Variants in TTLL4 observed in about 807,000 individuals in gnomAD.
The protein encoded by TTLL4 is tubulin tyrosine ligase like 4.
In TTLL4, 85 loss-of-function variants were observed where a neutral mutation model predicts 122.7. The ratio of observed to expected loss-of-function variants is 0.69; its 90% CI spans 0.58 to 0.83. TTLL4 has a LOEUF of 0.83. Ranked by LOEUF, TTLL4 falls within the 40% of genes least tolerant of loss-of-function variation. The pLI is 0.00. For synonymous variants in TTLL4, 553 were observed against 563.0 expected (o/e 0.98, Z 0.25); for missense variants, 1,363 against 1,488.6 (o/e 0.92, Z 1.39).
chr2:218,753,230 C>G (rs1411913541), intron 18 of TTLL4, 45 bp downstream of exon 18: 2 of 1,605,362 alleles, frequency 1.2e-6, no homozygotes, highest in Non-Finnish European at 8.5e-7. Context: ...CAGGCCCCTC[C>G]CTCCTCTGCC....
chr2:218,757,773 CA>C (rs1943180248), downstream of TTLL4, among the ~76,000 whole-genome samples: 1 of 152,138 alleles, frequency 6.6e-6, no homozygotes, highest in African/African-American at 2.4e-5. Flanking sequence ...CATCTGGACA[CA>C]AAGACCTTTC....
At position 218,754,522 on chromosome 2, in the gene TTLL4, G is replaced by A. The variant is rs1943112848; in HGVS notation, c.*133G>A. 3 of 1,258,886 alleles carry A rather than the reference G, an allele frequency of 2.4e-6. No individual in the cohort carries two copies. Among genetic ancestry groups the A allele is most frequent in the Non-Finnish European group, 3.3e-6 (3 of 918,842 alleles). The allele number at this position is 1,258,886 out of a possible 1,614,324, so 78.0% of individuals were successfully genotyped here. Reference sequence around the variant, plus strand: ...CCTCCTCAGAGTATTTTTTGAAGTGGTTGCATTATAGAGATGGGTATTTGT... The same window carrying A: ...CCTCCTCAGAGTATTTTTTGAAGTGATTGCATTATAGAGATGGGTATTTGT... On this transcript the variant is annotated 3_prime_UTR_variant, in exon 20 of 20. Coordinates refer to ENST00000392102, the MANE Select transcript of TTLL4 (RefSeq NM_014640.5).
At chr2:218,748,724 C>A in intron 12 of TTLL4, 112 bp from the exon 13 acceptor site, 1 of 818,854 alleles carries the variant, frequency 1.2e-6, no homozygotes, top group Non-Finnish European at 1.9e-6. Flanking sequence ...ATTTAAACTG[C>A]GAAAGGAAGA....
intron 1 of TTLL4, among the ~76,000 whole-genome samples, chr2:218,720,358 A>G (rs1160737618): frequency 1.3e-5 from 2 of 152,206 alleles, no homozygotes; most frequent in African/African-American, 2.4e-5. Context: ...GGCAGAGTGC[A>G]CGCACTGAGT....
intron 12 of TTLL4, 109 bp downstream of exon 12, chr2:218,748,336 G>A (rs1278698957): frequency 6.8e-7 from 1 of 1,468,160 alleles, no homozygotes; most frequent in Non-Finnish European, 9.1e-7. Flanking sequence ...ATAAGACCCA[G>A]AGATAACACT....
downstream of TTLL4, among the ~76,000 whole-genome samples, chr2:218,757,784 C>T (rs1943180627): frequency 6.6e-6 from 1 of 152,152 alleles, no homozygotes; most frequent in Admixed American, 6.5e-5. Context: ...AAAGACCTTT[C>T]TACTTCCTTC....
rs745318587 is a variant in TTLL4, at chr2:218,754,146, C to T, written c.3357C>T (p.Ser1119=). Residue 1119 remains serine, a synonymous_variant, in exon 20 of 20, where the codon TCC becomes TCT. Coordinates refer to ENST00000392102, the MANE Select transcript of TTLL4 (RefSeq NM_014640.5). The part of the protein sequence containing the change: ...SETSKLGKQS[S]CEVSLLLSED... ...CTATTCCCTCCAGAAAACAAAGCTC[C>T]TGTGAGGTTAGCCTACTACTCTCTG... 3 of 1,614,070 alleles carry T rather than the reference C, an allele frequency of 1.9e-6. No homozygotes were observed. In the Admixed American group the frequency reaches 5.0e-5, roughly 27 times the overall value.
chr2:218,753,614 T>C lies in TTLL4; in HGVS notation c.3289T>C (p.Ser1097Pro), dbSNP rs1023288880. 2 of 1,614,132 alleles carry C rather than the reference T, an allele frequency of 1.2e-6. No homozygotes were observed. The highest frequency in any genetic ancestry group is 1.7e-5 in the Admixed American group (1 of 60,026). ...TCTCCCGACATCACTTCTGACTATC[T>C]CAAAGGATGACGTGATACTCAATGC... ...WSLPTSLLTISKDDVILNAFS... is the reference protein window; with the variant it reads ...WSLPTSLLTIPKDDVILNAFS... The change falls in exon 19 of 20, where the codon TCA becomes CCA. Residue 1097 changes from serine (S) to proline (P), a missense_variant. Around this residue, in one of 3 missense-constraint regions of TTLL4, gnomAD observed 596 missense variants for 655.8 expected, o/e 0.91. Coordinates refer to ENST00000392102, the MANE Select transcript of TTLL4 (RefSeq NM_014640.5).
chr2:218,712,924 G>A (rs1309897486), intron 1 of TTLL4, among the ~76,000 whole-genome samples: 1 of 152,160 alleles, frequency 6.6e-6, no homozygotes, highest in Non-Finnish European at 1.5e-5. Context: ...CGTGTAAACT[G>A]TATTCTTTGT....
chr2:218,735,503 G>C (rs545350540), intron 2 of TTLL4, among the ~76,000 whole-genome samples: 1 of 152,168 alleles, frequency 6.6e-6, no homozygotes, highest in Non-Finnish European at 1.5e-5. Flanking sequence ...GAGTCCAGGA[G>C]TCTGAGGCTG....
intron 2 of TTLL4, among the ~76,000 whole-genome samples, chr2:218,729,850 G>T (rs149631272): frequency 6.6e-6 from 1 of 150,934 alleles, no homozygotes; most frequent in East Asian, 2.0e-4. Context: ...CGACCTCCCA[G>T]GCTCAAGTGA....
rs548186206 is a variant in TTLL4 at position 218,730,311 on chromosome 2, C to CAAAAAAAAAAAA, written c.-99+2991_-99+3002dup. On this transcript the variant is annotated intron_variant, in intron 2 of 19. Coordinates refer to ENST00000392102, the MANE Select transcript of TTLL4 (RefSeq NM_014640.5). ...TGAAACCCCATCTTTACTAAAAATC[C>CAAAAAAAAAAAA]AAAAAAAAAAAAAAAAAAAAAAAAA... is the stretch of plus-strand genomic sequence containing the variant. 0.023 allele frequency among the ~76,000 whole-genome samples: 335 copies of CAAAAAAAAAAAA among 14,288 alleles called. 109 individuals carry two copies. In the Middle Eastern group the frequency reaches 0.29, roughly 12 times the overall value. The allele number at this position is 14,288 out of a possible 152,430, so 9.4% of individuals were successfully genotyped here.
In TTLL4 at chr2:218,738,157, A is replaced by G; in HGVS notation, c.481A>G (p.Lys161Glu). Residue 161 changes from lysine (K) to glutamate (E), a missense_variant, in exon 3 of 20, where the codon AAG becomes GAG. Lys to Glu is a moderately conservative substitution (Grantham distance 56). Around this residue, in one of 3 missense-constraint regions of TTLL4, gnomAD observed 760 missense variants for 808.4 expected, o/e 0.94. Transcript: ENST00000392102. Reference protein sequence around the residue: ...KSLPVSLTANKATSSMVFSMA... With the variant: ...KSLPVSLTANEATSSMVFSMA... Reference sequence around the variant, plus strand: ...CCTCCCTGTCAGTCTCACTGCCAACAAGGCCACTTCTTCCATGGTCTTCTC... The same window carrying G: ...CCTCCCTGTCAGTCTCACTGCCAACGAGGCCACTTCTTCCATGGTCTTCTC... 1 of 1,613,974 alleles carries G rather than the reference A, an allele frequency of 6.2e-7. No homozygotes were observed. The highest frequency in any genetic ancestry group is 2.2e-5 in the East Asian group (1 of 44,840).
At chr2:218,737,533 G>C (rs114784875) in intron 2 of TTLL4, 46 bp from the exon 3 acceptor site, 3 of 1,013,504 alleles carry the variant, frequency 3.0e-6, no homozygotes, top group East Asian at 5.1e-5. Context: ...CATGGTGTCC[G>C]TTCTCCTGGC....
chr2:218,747,952 A>G lies in TTLL4; in HGVS notation c.2379-153A>G. On this transcript the variant is annotated intron_variant, in intron 11 of 19. Coordinates refer to ENST00000392102, the MANE Select transcript of TTLL4 (RefSeq NM_014640.5). The surrounding 1 kb of genome is among the most constrained non-coding windows in gnomAD (Gnocchi z 4.7). ...ATGAGTTTAGCTGTGGTTTTTCAGA[A>G]CTTTGCCAGTAGACACACTTCTCAG... The G allele has an allele frequency of 2.5e-6, 3 of 1,218,332 alleles. No individual in the cohort carries two copies. The highest frequency in any genetic ancestry group is 2.3e-5 in the Admixed American group (1 of 43,844). 75.5% of individuals were successfully genotyped at this position (1,218,332 alleles called of 1,614,324 possible).
Position 218,748,910 on chromosome 2 carries a change from ATGT to A in TTLL4, c.2583_2585del (p.Val862del). The A allele has an allele frequency of 1.2e-6, 2 of 1,614,164 alleles. No individual in the cohort carries two copies. The highest frequency in any genetic ancestry group is 1.7e-6 in the Non-Finnish European group (2 of 1,180,022). On this transcript the variant is annotated inframe_deletion, in exon 13 of 20. Transcript: ENST00000392102. ...GACGCCATCTGGGAGAAGATAAAGGATGTTGTTGTCAAAACTATCATCTCGTGA... is the reference window on the plus strand; with the variant it reads ...GACGCCATCTGGGAGAAGATAAAGGATGTTGTCAAAACTATCATCTCGTGA...
At chr2:218,732,825 C>A (rs545097831) in intron 2 of TTLL4, among the ~76,000 whole-genome samples, 12 of 152,278 alleles carry the variant, frequency 7.9e-5, no homozygotes, top group African/African-American at 2.6e-4. Context: ...GTTTTGATCT[C>A]ATCAGGAATC....
At position 218,713,024 on chromosome 2, in the gene TTLL4, C is replaced by T. The variant is rs115048702; in HGVS notation, c.-178+1987C>T. Among the ~76,000 whole-genome samples the T allele has an allele frequency of 3.2e-3, 494 of 152,160 alleles. 2 individuals are homozygous for T. Among genetic ancestry groups the T allele is most frequent in the African/African-American group, 0.011 (464 of 41,542 alleles). ...TTTTAAGTTATTTGGATAAAACTTG[C>T]GTAAAATTTTTAAAGAGATTTCTTT... On this transcript the variant is annotated intron_variant, in intron 1 of 19. Coordinates refer to ENST00000392102, the MANE Select transcript of TTLL4 (RefSeq NM_014640.5).
Position 218,747,970 on chromosome 2 carries a change from C to A in TTLL4, c.2379-135C>A. The A allele has an allele frequency of 7.7e-7, 1 of 1,295,030 alleles. No homozygotes were observed. The highest frequency in any genetic ancestry group is 2.3e-5 in the East Asian group (1 of 43,008). 80.2% of individuals were successfully genotyped at this position (1,295,030 alleles called of 1,614,324 possible). A position where few individuals can be genotyped will look rare whatever the true frequency, so the allele number is the denominator to read the frequency against. The stretch of plus-strand genomic sequence containing the variant: ...TTTCAGAACTTTGCCAGTAGACACA[C>A]TTCTCAGGCTCTTGTGGCTATGAAA... On this transcript the variant is annotated intron_variant, in intron 11 of 19. Transcript: ENST00000392102. This position sits in a 1 kb window ranked among gnomAD's most constrained non-coding sequence, Gnocchi z 4.7.
Sources: gnomAD v4.1 joint callset for allele counts (sites outside exome capture counted in the v4.1 genomes callset) on GRCh38, gnomAD v4.1.1 for gene constraint, gnomAD v4.1.1 regional missense constraint, Gnocchi (gnomAD v3.1) non-coding constraint, MANE v1.5 for transcripts, NCBI Gene and HGNC (gene_info 2026-07-23, HGNC 2026-07-21) for gene names.